LRRN1: variants seen among roughly 807,000 people sequenced by gnomAD.
LRRN1 encodes the protein leucine rich repeat neuronal 1.
LRRN1 carries 14 observed loss-of-function variants against 45.8 expected under a neutral mutation model. That is an observed-to-expected ratio of 0.31 (90% CI 0.20 to 0.48). LRRN1 has a LOEUF of 0.48. Ranked by LOEUF, LRRN1 falls within the 20% of genes least tolerant of loss-of-function variation. The pLI is 0.99. For missense variants in LRRN1, 789 were observed against 874.2 expected (o/e 0.90, Z 1.23); for synonymous variants, 359 against 330.1 (o/e 1.09, Z -0.95).
chr3:3,803,947 T>C (rs1233944938), intron 1 of LRRN1, among the ~76,000 whole-genome samples: 3 of 152,228 alleles, frequency 2.0e-5, no homozygotes, highest in Admixed American at 2.0e-4. Context: ...TTTATTGACA[T>C]TGCATTATAA....
chr3:3,820,342 C>G (rs76691189), intron 1 of LRRN1, among the ~76,000 whole-genome samples: 3,061 of 152,268 alleles, frequency 0.02, 97 homozygotes, highest in East Asian at 0.15. Flanking sequence ...TAGGCCCTGT[C>G]TAGCAAATTT....
At chr3:3,832,577 TC>T (rs1693395180) in intron 1 of LRRN1, among the ~76,000 whole-genome samples, 1 of 152,256 alleles carries the variant, frequency 6.6e-6, no homozygotes, top group South Asian at 2.1e-4. Flanking sequence ...CATTTCCCTT[TC>T]CCCAGTGCAG....
At chr3:3,802,377 G>A (rs1692672692) in intron 1 of LRRN1, among the ~76,000 whole-genome samples, 1 of 152,032 alleles carries the variant, frequency 6.6e-6, no homozygotes, top group Non-Finnish European at 1.5e-5. Context: ...ACTGTTGAAG[G>A]GAAAAAGAAC....
intron 1 of LRRN1, among the ~76,000 whole-genome samples, chr3:3,823,726 G>A (rs1275547037): frequency 6.6e-6 from 1 of 152,178 alleles, no homozygotes; most frequent in Admixed American, 6.6e-5. Context: ...GTAGTACCAG[G>A]ATATGGACCC....
chr3:3,844,605 T>C lies in LRRN1; in HGVS notation c.-37T>C, dbSNP rs775563434. ...TAGTGTTCACGTTTTGTTAAAACTT[T>C]GGGGTGTCAGGAGTTGAGCTTGCTC... On this transcript the variant is annotated 5_prime_UTR_variant, in exon 2 of 2. Transcript: ENST00000319331. 6.6e-7 allele frequency: 1 copy of C among 1,521,020 alleles called. No individual in the cohort carries two copies. Among genetic ancestry groups the C allele is most frequent in the East Asian group, 2.3e-5 (1 of 44,204 alleles). 94.2% of individuals were successfully genotyped at this position (1,521,020 alleles called of 1,614,324 possible). A position where few individuals can be genotyped will look rare whatever the true frequency, so the allele number is the denominator to read the frequency against.
chr3:3,819,083 C>T (rs1172636274), intron 1 of LRRN1, among the ~76,000 whole-genome samples: 1 of 151,932 alleles, frequency 6.6e-6, no homozygotes, highest in Non-Finnish European at 1.5e-5. Flanking sequence ...CAGCCTTGAA[C>T]TCCTGGCAGT....
intron 1 of LRRN1, among the ~76,000 whole-genome samples, chr3:3,806,102 G>A (rs1276725031): frequency 1.3e-5 from 2 of 152,132 alleles, no homozygotes; most frequent in Admixed American, 1.3e-4. Context: ...AGGGTGGGAT[G>A]AGGGTGTTAT....
intron 1 of LRRN1, among the ~76,000 whole-genome samples, chr3:3,836,563 T>C (rs899807956): frequency 6.6e-6 from 1 of 152,146 alleles, no homozygotes; most frequent in Non-Finnish European, 1.5e-5. Context: ...TTTTCGTGTG[T>C]GTGTGTTTGT....
chr3:3,817,596 C>T (rs1293577048), intron 1 of LRRN1, among the ~76,000 whole-genome samples: 3 of 152,018 alleles, frequency 2.0e-5, no homozygotes, highest in Admixed American at 6.6e-5. Flanking sequence ...AACAGCACTT[C>T]GTCTTCTAAT....
Position 3,846,755 on chromosome 3 carries a change from C to G in LRRN1, c.2114C>G (p.Thr705Ser). ...GATGGTTCTGCAGACACCAAGCCAACCCAGGTCGACACATCCAGAAGCTAT... is the reference window on the plus strand; with the variant it reads ...GATGGTTCTGCAGACACCAAGCCAAGCCAGGTCGACACATCCAGAAGCTAT... ...DKDGSADTKP[T>S]QVDTSRSYYM... The change falls in exon 2 of 2, where the codon ACC becomes AGC. Residue 705 changes from threonine to serine, a missense_variant. Thr to Ser is a moderately conservative substitution (Grantham distance 58). Transcript: ENST00000319331. This position sits in a 1 kb window ranked among gnomAD's most constrained non-coding sequence, Gnocchi z 5.7. The G allele has an allele frequency of 6.2e-7, 1 of 1,612,430 alleles. No homozygotes were observed. Among genetic ancestry groups the G allele is most frequent in the Non-Finnish European group, 8.5e-7 (1 of 1,179,594 alleles).
intron 1 of LRRN1, among the ~76,000 whole-genome samples, chr3:3,828,624 A>G (rs1251488948): frequency 6.6e-6 from 1 of 152,150 alleles, no homozygotes; most frequent in Non-Finnish European, 1.5e-5. Context: ...AATAGAGACA[A>G]TAATGAGGTC....
At chr3:3,819,041 T>G (rs987127024) in intron 1 of LRRN1, among the ~76,000 whole-genome samples, 1 of 152,080 alleles carries the variant, frequency 6.6e-6, no homozygotes, top group African/African-American at 2.4e-5. Context: ...TCACCCAGAC[T>G]AGAAGGCAGT....
At chr3:3,819,198 G>A (rs1041659929) in intron 1 of LRRN1, among the ~76,000 whole-genome samples, 2 of 152,022 alleles carry the variant, frequency 1.3e-5, no homozygotes, top group Non-Finnish European at 2.9e-5. Context: ...ATGTTAGCAG[G>A]CTGGTCTTGA....
intron 1 of LRRN1, among the ~76,000 whole-genome samples, chr3:3,832,252 A>G (rs1199149571): frequency 1.3e-5 from 2 of 151,996 alleles, no homozygotes; most frequent in African/African-American, 2.4e-5. Flanking sequence ...TTGATTTACT[A>G]TTTTTCTAGG....
Position 3,826,380 on chromosome 3 carries a change from A to T in LRRN1, c.-278-17984A>T, listed in dbSNP as rs139803050. 1.1e-3 allele frequency among the ~76,000 whole-genome samples: 170 copies of T among 152,272 alleles called. No homozygotes were observed. In the Middle Eastern group the frequency reaches 0.02, roughly 18 times the overall value. ...AGGTAAGAAAAATAAAATAGGATAC[A>T]AAGTTACATGACTTGTTCAAGGTCG... On this transcript the variant is annotated intron_variant, in intron 1 of 1. Coordinates refer to ENST00000319331, the MANE Select transcript of LRRN1 (RefSeq NM_020873.7).
In LRRN1 at chr3:3,846,891, T is replaced by C. The variant is rs553225075; in HGVS notation, c.*99T>C. On this transcript the variant is annotated 3_prime_UTR_variant, in exon 2 of 2. Coordinates refer to ENST00000319331, the MANE Select transcript of LRRN1 (RefSeq NM_020873.7). This position sits in a 1 kb window ranked among gnomAD's most constrained non-coding sequence, Gnocchi z 5.7. ...TTGAAGACTTTTGTATTTTTGACTT[T>C]GCTAGTTTGTGGCAGAGTGGAGAGG... is the stretch of plus-strand genomic sequence containing the variant. 3 of 1,063,434 alleles carry C rather than the reference T, an allele frequency of 2.8e-6. No individual in the cohort carries two copies. The highest frequency in any genetic ancestry group is 3.2e-5 in the African/African-American group (2 of 61,956). The allele number at this position is 1,063,434 out of a possible 1,614,324, so 65.9% of individuals were successfully genotyped here. A position where few individuals can be genotyped will look rare whatever the true frequency, so the allele number is the denominator to read the frequency against.
intron 1 of LRRN1, among the ~76,000 whole-genome samples, chr3:3,823,690 G>A (rs1693154446): frequency 6.6e-6 from 1 of 152,116 alleles, no homozygotes; most frequent in African/African-American, 2.4e-5. Flanking sequence ...TTAGAGAGGT[G>A]GAGTCATTTG....
At chr3:3,834,073 G>T (rs915855276) in intron 1 of LRRN1, among the ~76,000 whole-genome samples, 2 of 152,012 alleles carry the variant, frequency 1.3e-5, no homozygotes, top group African/African-American at 4.8e-5. Context: ...CTCACTCAGG[G>T]TAATCTTAGC....
At chr3:3,843,224 A>G (rs1460359658) in intron 1 of LRRN1, among the ~76,000 whole-genome samples, 2 of 152,186 alleles carry the variant, frequency 1.3e-5, no homozygotes, top group African/African-American at 2.4e-5. Flanking sequence ...GGTTATATAA[A>G]CATGTTCATG....
Sources: allele counts gnomAD v4.1 joint callset (sites outside exome capture counted in the v4.1 genomes callset), GRCh38; gene constraint gnomAD v4.1.1; non-coding constraint Gnocchi (gnomAD v3.1); transcripts MANE v1.5; gene names NCBI Gene and HGNC (gene_info 2026-07-23, HGNC 2026-07-21).